Variants in FOXP1 observed in about 807,000 individuals in gnomAD.
The protein encoded by FOXP1 is forkhead box P1.
Under a neutral mutation model 98.2 loss-of-function variants are expected in FOXP1, and 15 were observed. The ratio of observed to expected loss-of-function variants is 0.15; its 90% confidence interval spans 0.10 to 0.24. The LOEUF is 0.24. Among genes scored for constraint, FOXP1 ranks in the 10% least tolerant of loss-of-function variants. The pLI is 1.00. For missense variants in FOXP1, 633 were observed against 848.5 expected, an observed-to-expected ratio of 0.75 and a Z score of 3.15; for synonymous variants, 371 against 314.5, an observed-to-expected ratio of 1.18 and a Z score of -1.90.
intron 2 of FOXP1, among the ~76,000 whole-genome samples, chr3:71,502,158 T>C (rs555878099): frequency 2.6e-5 from 4 of 152,310 alleles, no homozygotes; most frequent in African/African-American, 7.2e-5. Context: ...CATGATTCAA[T>C]TAAATGGCAG....
chr3:71,183,443 G>C (rs1185087111), intron 6 of FOXP1, among the ~76,000 whole-genome samples: 1 of 152,008 alleles, frequency 6.6e-6, no homozygotes, highest in African/African-American at 2.4e-5. Context: ...AGGTTGCAGT[G>C]AGCCGAGATG....
At chr3:71,460,583 C>T (rs1433544569) in intron 3 of FOXP1, among the ~76,000 whole-genome samples, 3 of 152,074 alleles carry the variant, frequency 2.0e-5, no homozygotes, top group Non-Finnish European at 2.9e-5. Context: ...ACTACAGGTG[C>T]ACACCGCCAG....
At chr3:71,427,460 G>C (rs1250117944) in intron 3 of FOXP1, among the ~76,000 whole-genome samples, 3 of 152,218 alleles carry the variant, frequency 2.0e-5, no homozygotes, top group Non-Finnish European at 1.5e-5. Context: ...CGCAGATGGA[G>C]TTTGCAAGGA....
At chr3:71,407,255 A>C (rs2082413688) in intron 3 of FOXP1, among the ~76,000 whole-genome samples, 1 of 151,940 alleles carries the variant, frequency 6.6e-6, no homozygotes, top group Admixed American at 6.6e-5. Context: ...AATGACTTTC[A>C]GTAGTGTATG....
intron 7 of FOXP1, among the ~76,000 whole-genome samples, chr3:71,102,892 C>T (rs975633701): frequency 1.3e-5 from 2 of 152,078 alleles, no homozygotes; most frequent in Non-Finnish European, 2.9e-5. Context: ...AGCTGTATGG[C>T]CTTGGACAAG....
chr3:71,263,201 C>T (rs1267103947), intron 5 of FOXP1, among the ~76,000 whole-genome samples: 1 of 152,032 alleles, frequency 6.6e-6, no homozygotes, highest in African/African-American at 2.4e-5. Flanking sequence ...GTATGCAGCA[C>T]AAAGGGGACA....
At chr3:71,362,354 G>A (rs980662579) in intron 3 of FOXP1, among the ~76,000 whole-genome samples, 1 of 151,996 alleles carries the variant, frequency 6.6e-6, no homozygotes, top group Non-Finnish European at 1.5e-5. Flanking sequence ...TGTATTTTTA[G>A]TAGAGGCGGG....
At chr3:70,973,674 T>A (rs908535405) in intron 17 of FOXP1, among the ~76,000 whole-genome samples, 2 of 152,156 alleles carry the variant, frequency 1.3e-5, no homozygotes, top group Non-Finnish European at 2.9e-5. Flanking sequence ...TCTAAAGAGA[T>A]TCAGGTCATT....
intron 4 of FOXP1, among the ~76,000 whole-genome samples, chr3:71,313,534 CT>C (rs569229839): frequency 3.2e-4 from 47 of 145,258 alleles, no homozygotes; most frequent in Non-Finnish European, 2.4e-4. Flanking sequence ...ATTTCTTTTT[CT>C]TTTTTTTTTT....
At chr3:71,147,994 G>T (rs1300766784) in intron 6 of FOXP1, among the ~76,000 whole-genome samples, 2 of 152,142 alleles carry the variant, frequency 1.3e-5, no homozygotes, top group Non-Finnish European at 2.9e-5. Context: ...AACCTAGAAA[G>T]AAATTATAAT....
chr3:70,993,990 G>A (rs112167178), intron 13 of FOXP1, among the ~76,000 whole-genome samples: 2,248 of 138,534 alleles, frequency 0.016, 65 homozygotes, highest in African/African-American at 0.053. Flanking sequence ...GCAAAACTCC[G>A]TCTCAAAAGA....
At chr3:71,069,934 T>C (rs1175169511) in intron 7 of FOXP1, among the ~76,000 whole-genome samples, 1 of 152,188 alleles carries the variant, frequency 6.6e-6, no homozygotes, top group Non-Finnish European at 1.5e-5. Context: ...AGGGAGCGTG[T>C]CCCATCCTGC....
chr3:71,102,524 G>C (rs1277534594), intron 7 of FOXP1, among the ~76,000 whole-genome samples: 2 of 152,144 alleles, frequency 1.3e-5, no homozygotes, highest in African/African-American at 4.8e-5. Flanking sequence ...TTTCCAAACT[G>C]CTTCTCAATT....
Position 70,958,164 on chromosome 3 carries a change from T to C in FOXP1, c.*1083A>G, listed in dbSNP as rs1399925758. On this transcript the variant is annotated 3_prime_UTR_variant, in exon 21 of 21. Transcript: ENST00000649528. The stretch of plus-strand genomic sequence containing the variant: ...TGCTGCCTATGTTTCCTTGTGCTGG[T>C]AGAATGTGGTGGCATTTATTAATGG... 1 of 379,486 alleles carries C rather than the reference T, an allele frequency of 2.6e-6. No individual in the cohort carries two copies. The highest frequency in any genetic ancestry group is 2.2e-5 in the African/African-American group (1 of 45,448). 23.5% of individuals were successfully genotyped at this position (379,486 alleles called of 1,614,324 possible).
intron 6 of FOXP1, among the ~76,000 whole-genome samples, chr3:71,164,722 G>A (rs949513324): frequency 3.9e-5 from 6 of 152,122 alleles, no homozygotes; most frequent in African/African-American, 1.4e-4. Flanking sequence ...CCTGTTTTAT[G>A]TTTTCTTATA....
At chr3:70,971,987 A>C in intron 18 of FOXP1, 2 of 1,360,624 alleles carry the variant, frequency 1.5e-6, no homozygotes, top group Non-Finnish European at 1.9e-6. Flanking sequence ...GAAAAAAAAA[A>C]CAAAAGCAAG....
intron 7 of FOXP1, among the ~76,000 whole-genome samples, chr3:71,075,742 T>C (rs2053743744): frequency 6.6e-6 from 1 of 150,528 alleles, no homozygotes; most frequent in Admixed American, 6.6e-5. Context: ...ACAAATAGGG[T>C]CTAACTCTGT....
At chr3:71,367,341 C>T (rs775009747) in intron 3 of FOXP1, among the ~76,000 whole-genome samples, 4 of 152,202 alleles carry the variant, frequency 2.6e-5, no homozygotes, top group Admixed American at 6.5e-5. Context: ...CTCTCTCTCA[C>T]GTTGCATTCA....
At chr3:71,538,587 CTT>C (rs2044501927) in intron 2 of FOXP1, among the ~76,000 whole-genome samples, 1 of 152,238 alleles carries the variant, frequency 6.6e-6, no homozygotes, top group Admixed American at 6.5e-5. Flanking sequence ...TGTCTCCACT[CTT>C]TGGCTATTAT....
Sources: allele counts gnomAD v4.1 joint callset (sites outside exome capture counted in the v4.1 genomes callset), GRCh38; gene constraint gnomAD v4.1.1; transcripts MANE v1.5; gene names NCBI Gene and HGNC (gene_info 2026-07-23, HGNC 2026-07-21).